Variants in DLGAP2 observed in about 807,000 individuals in gnomAD.
The protein encoded by DLGAP2 is DLG associated protein 2.
DLGAP2 carries 26 observed loss-of-function variants against 100.3 expected under a neutral mutation model. That is an observed-to-expected ratio of 0.26 (90% CI 0.19 to 0.36). The LOEUF (loss-of-function observed/expected upper bound fraction) is 0.36, where lower values mean the gene tolerates loss of function less well. Among genes scored for constraint, DLGAP2 ranks in the 10% least tolerant of loss-of-function variants. The probability of loss-of-function intolerance (pLI) is 1.00; values close to 1 mark genes in which losing one functional copy is unlikely to be tolerated. For synonymous variants in DLGAP2, 886 were observed against 630.1 expected (o/e 1.41, Z -6.08); for missense variants, 1,858 against 1,453.2 (o/e 1.28, Z -4.53).
At position 1,507,807 on chromosome 8, in the gene DLGAP2, T is replaced by TCCACCCACCACCCTCCCC. The variant is rs1563190619; in HGVS notation, c.172+6393_172+6394insCCCACCCACCACCCTCCC. On this transcript the variant is annotated intron_variant, in intron 4 of 14. Coordinates refer to ENST00000637795, the MANE Select transcript of DLGAP2 (RefSeq NM_001346810.2). ...ACCCTCCTTCACCCACCACCCTCCC[T>TCCACCCACCACCCTCCCC]CCACCCACCACCCTCCCTCCCAGGC... 1.7e-3 allele frequency among the ~76,000 whole-genome samples: 80 copies of TCCACCCACCACCCTCCCC among 48,304 alleles called. 1 individual carries two copies. The highest frequency in any genetic ancestry group is 4.1e-3 in the African/African-American group (72 of 17,378). 31.7% of individuals were successfully genotyped at this position (48,304 alleles called of 152,430 possible). A position where few individuals can be genotyped will look rare whatever the true frequency, so the allele number is the denominator to read the frequency against.
At chr8:1,522,476 G>C (rs1294460437) in intron 4 of DLGAP2, among the ~76,000 whole-genome samples, 1 of 152,228 alleles carries the variant, frequency 6.6e-6, no homozygotes, top group Admixed American at 6.5e-5. Context: ...AGGCCAGTCA[G>C]AGCCTCACGC....
At chr8:1,241,351 G>C (rs192673925) in intron 2 of DLGAP2, among the ~76,000 whole-genome samples, 4 of 144,986 alleles carry the variant, frequency 2.8e-5, no homozygotes, top group African/African-American at 1.1e-4. Context: ...CTCACATGGC[G>C]CCGTGTCTAG....
chr8:1,179,092 C>A (rs1278905077), intron 2 of DLGAP2, among the ~76,000 whole-genome samples: 1 of 152,252 alleles, frequency 6.6e-6, no homozygotes, highest in East Asian at 1.9e-4. Flanking sequence ...AAAGAAGCAT[C>A]AAGTGACTTT....
At chr8:1,521,594 G>A (rs1414236227) in intron 4 of DLGAP2, among the ~76,000 whole-genome samples, 2 of 16,348 alleles carry the variant, frequency 1.2e-4, no homozygotes, top group African/African-American at 2.3e-4. Flanking sequence ...TTGCACACTT[G>A]TTTTAATTTG....
At chr8:1,176,831 C>G (rs1487501855) in intron 2 of DLGAP2, among the ~76,000 whole-genome samples, 9 of 152,172 alleles carry the variant, frequency 5.9e-5, no homozygotes, top group East Asian at 5.8e-4. Flanking sequence ...TCAACACACC[C>G]TCTGGCTTCT....
chr8:1,133,371 C>A (rs190391516), intron 2 of DLGAP2, among the ~76,000 whole-genome samples: 22 of 151,954 alleles, frequency 1.4e-4, no homozygotes, highest in Non-Finnish European at 2.9e-5. Context: ...TCTGTAAAAC[C>A]AGGAAGTTAT....
chr8:1,139,839 G>A (rs142139135), intron 2 of DLGAP2, among the ~76,000 whole-genome samples: 46 of 152,152 alleles, frequency 3.0e-4, no homozygotes, highest in East Asian at 2.1e-3. Context: ...ATTCTCATAA[G>A]GGGTCTGTGG....
intron 4 of DLGAP2, among the ~76,000 whole-genome samples, chr8:1,544,117 G>T (rs569762476): frequency 3.2e-4 from 48 of 152,094 alleles, no homozygotes; most frequent in African/African-American, 1.1e-3. Flanking sequence ...TGTCCAGGCT[G>T]GTCTCAAACT....
Position 1,704,383 on chromosome 8 carries a change from C to G in DLGAP2, c.*2977C>G, listed in dbSNP as rs1306008266. 1 of 152,170 alleles carries G rather than the reference C, an allele frequency of 6.6e-6. No homozygotes were observed. Among genetic ancestry groups the G allele is most frequent in the Non-Finnish European group, 1.5e-5 (1 of 68,030 alleles). 9.4% of individuals were successfully genotyped at this position (152,170 alleles called of 1,614,324 possible). On this transcript the variant is annotated 3_prime_UTR_variant, in exon 15 of 15. Coordinates refer to ENST00000637795, the MANE Select transcript of DLGAP2 (RefSeq NM_001346810.2). ...TCTCCTTAGAGCCGACAGGTTGATC[C>G]TGCTGTGTTGAAGGCTGTGGTTAAT...
intron 4 of DLGAP2, among the ~76,000 whole-genome samples, chr8:1,516,593 G>A (rs906254114): frequency 4.6e-5 from 7 of 151,942 alleles, no homozygotes; most frequent in South Asian, 2.1e-4. Context: ...GTGAGTGAAT[G>A]AGTGCATGAA....
In DLGAP2 at chr8:1,669,763, T is replaced by A. The variant is rs759460743; in HGVS notation, c.2181T>A (p.His727Gln). The change falls in exon 10 of 15, where the codon CAT (histidine) becomes CAA (glutamine). Residue 727 changes from histidine (H) to glutamine (Q), a missense_variant. Transcript: ENST00000637795. Reference protein sequence around the residue: ...IGIQDSEFPEHQPYPRSDVET... With the variant: ...IGIQDSEFPEQQPYPRSDVET... ...TTTAGGATTCTGAATTCCCAGAGCATCAGCCATACCCAAGGTCAGATGTAA... is the reference window on the plus strand; with the variant it reads ...TTTAGGATTCTGAATTCCCAGAGCAACAGCCATACCCAAGGTCAGATGTAA... 1 of 780,904 alleles carries A rather than the reference T, an allele frequency of 1.3e-6. No homozygotes were observed. 48.4% of individuals were successfully genotyped at this position (780,904 alleles called of 1,614,324 possible). A position where few individuals can be genotyped will look rare whatever the true frequency, so the allele number is the denominator to read the frequency against.
At position 840,559 on chromosome 8, in the gene DLGAP2, G is replaced by T. The variant is rs1273275663; in HGVS notation, c.19-67353G>T. ...TCTCCCCACACTCTGGATTCTGCGA[G>T]CGCGTCCACACGGTGCACGCCTGCA... On this transcript the variant is annotated intron_variant, in intron 1 of 14. Coordinates refer to ENST00000637795, the MANE Select transcript of DLGAP2 (RefSeq NM_001346810.2). Among the ~76,000 whole-genome samples the T allele has an allele frequency of 4.4e-4, 30 of 67,980 alleles. 1 individual carries two copies. The highest frequency in any genetic ancestry group is 8.0e-4 in the Non-Finnish European group (25 of 31,094). 44.6% of individuals were successfully genotyped at this position (67,980 alleles called of 152,430 possible). A position where few individuals can be genotyped will look rare whatever the true frequency, so the allele number is the denominator to read the frequency against.
chr8:1,343,886 C>A (rs1439363980), intron 3 of DLGAP2, among the ~76,000 whole-genome samples: 1 of 152,182 alleles, frequency 6.6e-6, no homozygotes, highest in African/African-American at 2.4e-5. Flanking sequence ...AGCCCTCTCA[C>A]GCTTCTCACG....
chr8:904,137 C>G (rs887349940), intron 1 of DLGAP2, among the ~76,000 whole-genome samples: 1 of 152,228 alleles, frequency 6.6e-6, no homozygotes, highest in Non-Finnish European at 1.5e-5. Flanking sequence ...GACGAGGCCA[C>G]TGGCCACACG....
At chr8:1,567,002 G>C (rs572545646) in intron 6 of DLGAP2, among the ~76,000 whole-genome samples, 1 of 152,340 alleles carries the variant, frequency 6.6e-6, no homozygotes, top group Admixed American at 6.5e-5. Context: ...CTCCACAGAG[G>C]GTGGTCAGTG....
chr8:1,267,558 C>CAAAAT (rs551085463), intron 3 of DLGAP2, among the ~76,000 whole-genome samples: 49 of 63,120 alleles, frequency 7.8e-4, no homozygotes, highest in South Asian at 6.8e-3. Flanking sequence ...AATTCCCGCT[C>CAAAAT]AAAATAAAAT....
At chr8:1,165,273 C>A (rs1796992805) in intron 2 of DLGAP2, among the ~76,000 whole-genome samples, 1 of 151,164 alleles carries the variant, frequency 6.6e-6, no homozygotes, top group Admixed American at 6.6e-5. Flanking sequence ...AGAAGGGAGA[C>A]AGAGACAGAG....
At chr8:1,088,770 G>T (rs1287902466) in intron 2 of DLGAP2, among the ~76,000 whole-genome samples, 2 of 112,920 alleles carry the variant, frequency 1.8e-5, no homozygotes, top group Non-Finnish European at 3.5e-5. Flanking sequence ...CCCTCATCCA[G>T]CAGGCTATGC....
intron 2 of DLGAP2, among the ~76,000 whole-genome samples, chr8:1,254,750 G>C (rs1456434580): frequency 6.6e-6 from 1 of 152,190 alleles, no homozygotes; most frequent in East Asian, 1.9e-4. Context: ...CGGGGGCCGA[G>C]TGAGTGTGCA....
Sources: gnomAD v4.1 joint callset for allele counts (sites outside exome capture counted in the v4.1 genomes callset) on GRCh38, gnomAD v4.1.1 for gene constraint, MANE v1.5 for transcripts, NCBI Gene and HGNC (gene_info 2026-07-23, HGNC 2026-07-21) for gene names.